The following SLC27A1 variants were observed in gnomAD, a reference collection of about 807,000 sequenced individuals.
The protein encoded by SLC27A1 is solute carrier family 27 member 1.
In SLC27A1, 61 loss-of-function variants were observed where a neutral mutation model predicts 62.2. The observed-to-expected ratio is 0.98, with a 90% CI of 0.80 to 1.21. The LOEUF is 1.21. Among genes scored for constraint, SLC27A1 ranks in the 50% most tolerant of loss-of-function variants. The probability of loss-of-function intolerance (pLI) is 0.00; values close to 1 mark genes in which losing one functional copy is unlikely to be tolerated. For missense variants in SLC27A1, 903 were observed against 932.1 expected, an observed-to-expected ratio of 0.97 and a Z score of 0.41; for synonymous variants, 435 against 408.6, an observed-to-expected ratio of 1.06 and a Z score of -0.78.
At chr19:17,497,852 C>T (rs546535518) in intron 7 of SLC27A1, 4 of 249,270 alleles carry the variant, frequency 1.6e-5, no homozygotes, top group South Asian at 3.9e-5. Context: ...CTCTGTCGCC[C>T]AGGCTGGAGT....
In SLC27A1 at chr19:17,501,264, T is replaced by A; in HGVS notation, c.1637-9T>A. The A allele has an allele frequency of 1.2e-6, 2 of 1,612,478 alleles. No individual in the cohort carries two copies. The highest frequency in any genetic ancestry group is 1.7e-6 in the Non-Finnish European group (2 of 1,179,684). ...GGCGGGGTGTCCTCAGCTGAGCCTC[T>A]GCCTCCAGGAGTGGAGGGTAAGGCA... On this transcript the variant is annotated splice_polypyrimidine_tract_variant and intron_variant, in intron 10 of 11. Transcript: ENST00000252595.
intron 1 of SLC27A1, among the ~76,000 whole-genome samples, chr19:17,477,959 CT>C (rs1294045581): frequency 2.0e-5 from 3 of 152,250 alleles, no homozygotes; most frequent in African/African-American, 7.2e-5. Context: ...AATAGTCCCC[CT>C]GTCTTGGCCT....
At chr19:17,478,049 A>G (rs2075141790) in intron 1 of SLC27A1, among the ~76,000 whole-genome samples, 1 of 152,134 alleles carries the variant, frequency 6.6e-6, no homozygotes, top group Non-Finnish European at 1.5e-5. Flanking sequence ...TAGCAGCACT[A>G]AAACCCACGC....
chr19:17,489,002 C>T lies in SLC27A1; in HGVS notation c.887-6C>T, dbSNP rs115772896. ...GGGGACCCCTTACCAAGGCCACCCTCTGCAGGAAACATCATCGGCGTGGGG... is the reference window on the plus strand; with the variant it reads ...GGGGACCCCTTACCAAGGCCACCCTTTGCAGGAAACATCATCGGCGTGGGG... On this transcript the variant is annotated splice_region_variant and splice_polypyrimidine_tract_variant and intron_variant, in intron 5 of 11. Transcript: ENST00000252595. 2 of 1,613,958 alleles carry T rather than the reference C, an allele frequency of 1.2e-6. No homozygotes were observed. Among genetic ancestry groups the T allele is most frequent in the Admixed American group, 3.3e-5 (2 of 59,998 alleles).
chr19:17,504,615 C>G lies in SLC27A1; in HGVS notation c.*3C>G, dbSNP rs2075456237. On this transcript the variant is annotated 3_prime_UTR_variant, in exon 12 of 12. Coordinates refer to ENST00000252595, the MANE Select transcript of SLC27A1 (RefSeq NM_198580.3). ...GCTCGGGCGCCTTCGCCCTCTGAAGCTGTTCCTCTACTGGCCACAAACTCT... is the reference window on the plus strand; with the variant it reads ...GCTCGGGCGCCTTCGCCCTCTGAAGGTGTTCCTCTACTGGCCACAAACTCT... The G allele has an allele frequency of 3.7e-6, 6 of 1,614,086 alleles. No homozygotes were observed. The highest frequency in any genetic ancestry group is 5.1e-6 in the Non-Finnish European group (6 of 1,180,034).
At chr19:17,481,426 C>T (rs981059066) in intron 1 of SLC27A1, among the ~76,000 whole-genome samples, 3 of 151,084 alleles carry the variant, frequency 2.0e-5, no homozygotes, top group African/African-American at 7.3e-5. Context: ...AAGTGATTCT[C>T]CTGCCTCAGC....
intron 10 of SLC27A1, 131 bp downstream of exon 10, chr19:17,501,007 G>A (rs1049113349): frequency 7.8e-6 from 9 of 1,159,082 alleles, no homozygotes; most frequent in Admixed American, 5.9e-5. Context: ...CCAGGAGGAA[G>A]CACTGGATCT....
intron 1 of SLC27A1, among the ~76,000 whole-genome samples, chr19:17,484,891 A>G (rs4808652): frequency 0.85 from 128,524 of 152,088 alleles, 55,256 homozygotes; most frequent in Non-Finnish European, 0.92. Flanking sequence ...ATTTTGATGC[A>G]GAAGCTGGAG....
intron 1 of SLC27A1, among the ~76,000 whole-genome samples, chr19:17,472,390 G>A (rs1180601904): frequency 1.4e-5 from 2 of 140,610 alleles, no homozygotes; most frequent in Non-Finnish European, 1.5e-5. Context: ...GTGAGACTCC[G>A]TCTCAAAAAA....
In SLC27A1 at chr19:17,478,466, C is replaced by CAA. The variant is rs869214050; in HGVS notation, c.167+7778_167+7779dup. Among the ~76,000 whole-genome samples, 381 of 48,024 alleles carry CAA rather than the reference C, an allele frequency of 7.9e-3. 6 individuals are homozygous for CAA. Among genetic ancestry groups the CAA allele is most frequent in the Middle Eastern group, 0.013 (1 of 78 alleles). The allele number at this position is 48,024 out of a possible 152,430, so 31.5% of individuals were successfully genotyped here. ...TGGGCGACAGAGCAAGACTCCGTCT[C>CAA]AAAAAAAAAAAAAAAAAAAAGGCAC... is the stretch of plus-strand genomic sequence containing the variant. On this transcript the variant is annotated intron_variant, in intron 1 of 11. Transcript: ENST00000252595.
At position 17,504,450 on chromosome 19, in the gene SLC27A1, T is replaced by C. The variant is rs781076874; in HGVS notation, c.1784-5T>C. 36 of 1,613,926 alleles carry C rather than the reference T, an allele frequency of 2.2e-5. No individual in the cohort carries two copies. The Admixed American group carries it at 5.3e-4, about 24-fold the overall frequency. On this transcript the variant is annotated splice_region_variant and splice_polypyrimidine_tract_variant and intron_variant, in intron 11 of 11. Coordinates refer to ENST00000252595, the MANE Select transcript of SLC27A1 (RefSeq NM_198580.3). ...GCCCTTATCTGCCCCCCATCCCCAC[T>C]ATAGGCACCTTCAAGATCCAGAAGA...
intron 1 of SLC27A1, among the ~76,000 whole-genome samples, chr19:17,477,838 AGCCACC>A (rs1268194348): frequency 6.6e-6 from 1 of 152,050 alleles, no homozygotes; most frequent in African/African-American, 2.4e-5. Context: ...TACAGGTGTG[AGCCACC>A]GCACCTGCCG....
chr19:17,497,584 G>A, intron 7 of SLC27A1, 120 bp downstream of exon 7: 1 of 902,548 alleles, frequency 1.1e-6, no homozygotes, highest in Middle Eastern at 2.1e-4. Context: ...CTCCGCCAAG[G>A]CGCACGCAGG....
At chr19:17,500,902 C>T in intron 10 of SLC27A1, 26 bp downstream of exon 10, 1 of 1,587,310 alleles carries the variant, frequency 6.3e-7, no homozygotes, top group African/African-American at 1.4e-5. Context: ...AGGGGGTGGT[C>T]CTGAGGCATG....
rs2075242779 is a variant in SLC27A1 at position 17,487,158 on chromosome 19, G to A, written c.563-16G>A. 1.9e-5 allele frequency: 31 copies of A among 1,613,940 alleles called. No homozygotes were observed. Among genetic ancestry groups the A allele is most frequent in the Non-Finnish European group, 2.5e-5 (30 of 1,179,958 alleles). ...CTGTCCGGCGGTGACCATGACCCAT[G>A]TGTTGGGGACCACAGCGGTGGCCGA... On this transcript the variant is annotated splice_polypyrimidine_tract_variant and intron_variant, in intron 2 of 11. Transcript: ENST00000252595.
chr19:17,477,701 C>T (rs371193676), intron 1 of SLC27A1, among the ~76,000 whole-genome samples: 20 of 151,396 alleles, frequency 1.3e-4, no homozygotes, highest in Non-Finnish European at 2.2e-4. Flanking sequence ...TACAGGTGCC[C>T]GCCACCATGC....
At chr19:17,496,403 ATG>A (rs34202958) in intron 6 of SLC27A1, 68,506 of 151,596 alleles carry the variant, frequency 0.45, 15,826 homozygotes, top group South Asian at 0.52. Context: ...GGGCTTGAGA[ATG>A]TGTGGCAGGG....
Position 17,501,334 on chromosome 19 carries a change from C to A in SLC27A1, c.1698C>A (p.Asn566Lys), listed in dbSNP as rs771153642. 1 of 1,614,034 alleles carries A rather than the reference C, an allele frequency of 6.2e-7. No homozygotes were observed. Among genetic ancestry groups the A allele is most frequent in the South Asian group, 1.1e-5 (1 of 91,078 alleles). The change falls in exon 11 of 12, where the codon AAC becomes AAA. Residue 566 changes from asparagine (N) to lysine (K), a missense_variant. Transcript: ENST00000252595. The stretch of plus-strand genomic sequence containing the variant: ...ACCCCCACAGCCTGCTGGACCCCAA[C>A]GCGATATACCAGGAGCTGCAGAAGG... ...VADPHSLLDP[N>K]AIYQELQKVL...
At chr19:17,499,145 A>G in intron 7 of SLC27A1, 1 of 212,258 alleles carries the variant, frequency 4.7e-6, no homozygotes, top group South Asian at 6.1e-5. Flanking sequence ...TTCCCGGTCC[A>G]CTAAGTAGCA....
Sources: allele counts gnomAD v4.1 joint callset (sites outside exome capture counted in the v4.1 genomes callset), GRCh38; gene constraint gnomAD v4.1.1; transcripts MANE v1.5; gene names NCBI Gene and HGNC (gene_info 2026-07-23, HGNC 2026-07-21).